MYCBP2: variants seen among roughly 807,000 people sequenced by gnomAD.
The protein encoded by MYCBP2 is E3 ubiquitin-protein ligase MYCBP2.
A neutral mutation model predicts 525.3 loss-of-function variants in MYCBP2; 120 were observed. The ratio of observed to expected loss-of-function variants is 0.23; its 90% CI spans 0.20 to 0.27. The LOEUF is 0.27. Ranked by LOEUF, MYCBP2 falls within the 10% of genes least tolerant of loss-of-function variation. The pLI, the probability that MYCBP2 is intolerant of heterozygous loss-of-function variation, is 1.00. For missense variants in MYCBP2, 4,149 were observed against 5,657.1 expected (o/e 0.73, Z 8.55); for synonymous variants, 1,894 against 1,955.8 (o/e 0.97, Z 0.83).
chr13:77,085,430 T>C (rs1472031167), intron 62 of MYCBP2, among the ~76,000 whole-genome samples: 1 of 152,202 alleles, frequency 6.6e-6, no homozygotes, highest in African/African-American at 2.4e-5. Flanking sequence ...GTTTTGTATA[T>C]TCTATCAAGA....
At chr13:77,129,112 G>A (rs2052261402) in intron 52 of MYCBP2, 1 of 396,842 alleles carries the variant, frequency 2.5e-6, no homozygotes, top group Admixed American at 4.4e-5. Context: ...TATACATGCT[G>A]AAATACCTGA....
intron 1 of MYCBP2, among the ~76,000 whole-genome samples, chr13:77,314,627 G>A (rs1354553774): frequency 6.6e-6 from 1 of 152,168 alleles, no homozygotes; most frequent in African/African-American, 2.4e-5. Context: ...AGGAATAGGT[G>A]GAGCACAGAT....
chr13:77,189,597 C>T (rs1352857192), intron 29 of MYCBP2, among the ~76,000 whole-genome samples: 1 of 152,004 alleles, frequency 6.6e-6, no homozygotes, highest in Admixed American at 6.5e-5. Context: ...TACTGCTTAA[C>T]GAATGACAAC....
intron 14 of MYCBP2, among the ~76,000 whole-genome samples, chr13:77,255,785 G>T (rs1247569936): frequency 6.6e-6 from 1 of 151,926 alleles, no homozygotes; most frequent in Non-Finnish European, 1.5e-5. Flanking sequence ...CTGAGATCCA[G>T]ATGAGTCTGA....
Position 77,074,727 on chromosome 13 carries a change from C to T in MYCBP2, c.11823+2024G>A, listed in dbSNP as rs147225376. On this transcript the variant is annotated intron_variant, in intron 68 of 82. Coordinates refer to ENST00000544440, the MANE Select transcript of MYCBP2 (RefSeq NM_015057.5). ...CTACAACATGGATAAATCTCAAAAG[C>T]ATTACACTAAAGTGAAAGAAACAAG... Among the ~76,000 whole-genome samples the T allele has an allele frequency of 2.6e-5, 4 of 152,260 alleles. No individual in the cohort carries two copies. In the East Asian group the frequency reaches 7.7e-4, roughly 29 times the overall value.
intron 59 of MYCBP2, among the ~76,000 whole-genome samples, chr13:77,091,003 T>C (rs577176038): frequency 6.6e-6 from 1 of 152,300 alleles, no homozygotes; most frequent in East Asian, 1.9e-4. Context: ...ATTTAGAAAC[T>C]ATTCTTTTCG....
At chr13:77,263,608 T>A (rs993571659) in intron 10 of MYCBP2, 43 bp downstream of exon 10, 18 of 1,549,686 alleles carry the variant, frequency 1.2e-5, no homozygotes, top group Non-Finnish European at 1.5e-5. Flanking sequence ...TATGAAAAAT[T>A]GAAAATTAAA....
Position 77,168,419 on chromosome 13 carries a change from G to A in MYCBP2, c.6114+9C>T, listed in dbSNP as rs769016611. The stretch of plus-strand genomic sequence containing the variant: ...TTACATTCGAATCACACTAAGAACC[G>A]GTGCCTACCTTGTAATGCATCACAC... On this transcript the variant is annotated intron_variant, in intron 40 of 82. Coordinates refer to ENST00000544440, the MANE Select transcript of MYCBP2 (RefSeq NM_015057.5). 19 of 1,611,288 alleles carry A rather than the reference G, an allele frequency of 1.2e-5. No homozygotes were observed. Among genetic ancestry groups the A allele is most frequent in the Admixed American group, 5.0e-5 (3 of 59,948 alleles).
chr13:77,142,986 G>A (rs755908780), intron 49 of MYCBP2, among the ~76,000 whole-genome samples: 21 of 152,170 alleles, frequency 1.4e-4, no homozygotes, highest in Non-Finnish European at 2.6e-4. Context: ...AAATTTATCT[G>A]ATCACAGAAA....
At chr13:77,306,552 G>A (rs1156902918) in intron 1 of MYCBP2, among the ~76,000 whole-genome samples, 1 of 152,134 alleles carries the variant, frequency 6.6e-6, no homozygotes, top group Non-Finnish European at 1.5e-5. Flanking sequence ...AGAAAAGAGG[G>A]TAGGGGAATA....
intron 70 of MYCBP2, among the ~76,000 whole-genome samples, chr13:77,068,256 C>T (rs1471138240): frequency 6.6e-6 from 1 of 151,904 alleles, no homozygotes; most frequent in African/African-American, 2.4e-5. Context: ...CCCAAGGCAG[C>T]ACGAAAAAAA....
intron 53 of MYCBP2, among the ~76,000 whole-genome samples, chr13:77,125,849 G>C (rs1280764257): frequency 1.3e-5 from 2 of 152,088 alleles, no homozygotes; most frequent in African/African-American, 4.8e-5. Flanking sequence ...CCCTTACTGA[G>C]AAATAGCATG....
Position 77,169,643 on chromosome 13 carries a change from T to C in MYCBP2, c.5866A>G (p.Ile1956Val), listed in dbSNP as rs1413004528. 3 of 1,613,868 alleles carry C rather than the reference T, an allele frequency of 1.9e-6. No homozygotes were observed. The highest frequency in any genetic ancestry group is 1.3e-5 in the African/African-American group (1 of 74,998). Residue 1956 changes from isoleucine to valine, a missense_variant, in exon 39 of 83, where the codon ATA becomes GTA. Ile to Val is a conservative substitution (Grantham distance 29). Transcript: ENST00000544440. Reference protein sequence around the residue: ...SMLLPLIIAYIGPVAAAIPKV... With the variant: ...SMLLPLIIAYVGPVAAAIPKV... The stretch of plus-strand genomic sequence containing the variant: ...GGAATAGCAGCAGCTACTGGTCCTA[T>C]GTAGGCTATAATAAGGGGGAGCAGC...
At chr13:77,303,734 A>G (rs976083521) in intron 1 of MYCBP2, among the ~76,000 whole-genome samples, 7 of 152,010 alleles carry the variant, frequency 4.6e-5, no homozygotes, top group African/African-American at 1.7e-4. Flanking sequence ...CTTCCACAAA[A>G]TGCATCTCCT....
chr13:77,326,529 C>T lies in MYCBP2; in HGVS notation c.247G>A (p.Ala83Thr), dbSNP rs780569211. The T allele has an allele frequency of 6.3e-7, 1 of 1,598,620 alleles. No homozygotes were observed. The highest frequency in any genetic ancestry group is 8.5e-7 in the Non-Finnish European group (1 of 1,173,042). The part of the protein sequence containing the change: ...LADRYRRIYT[A>T]ALNDRDQGGG... ...CCCTGGTCCCTGTCATTGAGCGCAGCGGTATAAATCCTCCGGTAGCGGTCG... is the reference window on the plus strand; with the variant it reads ...CCCTGGTCCCTGTCATTGAGCGCAGTGGTATAAATCCTCCGGTAGCGGTCG... The change falls in exon 1 of 83, where the codon GCT becomes ACT. Residue 83 changes from alanine to threonine, a missense_variant. By Grantham distance (58) the Ala-to-Thr change is moderately conservative (BLOSUM62 0). Transcript: ENST00000544440. The surrounding 1 kb of genome is among the most constrained non-coding windows in gnomAD (Gnocchi z 4.2).
intron 68 of MYCBP2, among the ~76,000 whole-genome samples, chr13:77,071,914 A>G (rs752541241): frequency 7.9e-5 from 12 of 152,212 alleles, no homozygotes; most frequent in Non-Finnish European, 1.6e-4. Flanking sequence ...CCAGAAATTA[A>G]TAATATAAAG....
intron 61 of MYCBP2, chr13:77,087,892 C>T (rs1332084725): frequency 1.9e-5 from 5 of 266,756 alleles, no homozygotes; most frequent in Non-Finnish European, 3.5e-5. Context: ...ATGATCCTCC[C>T]ACCTCAGCCT....
chr13:77,306,283 T>C (rs2154372638), intron 1 of MYCBP2, among the ~76,000 whole-genome samples: 3 of 152,332 alleles, frequency 2.0e-5, no homozygotes, highest in Middle Eastern at 6.8e-3. Context: ...ATGATACTCC[T>C]ATCATGTTCA....
rs969327384 is a variant in MYCBP2 at position 77,159,289 on chromosome 13, T to C, written c.6598-1180A>G. Among the ~76,000 whole-genome samples the C allele has an allele frequency of 5.3e-5, 8 of 152,264 alleles. No individual in the cohort carries two copies. The East Asian group carries it at 1.5e-3, about 29-fold the overall frequency. On this transcript the variant is annotated intron_variant, in intron 44 of 82. Transcript: ENST00000544440. ...AACTAAATAATGCATATAAAGTATATAATACATTGCCTAACAAATAGTAAG... is the reference window on the plus strand; with the variant it reads ...AACTAAATAATGCATATAAAGTATACAATACATTGCCTAACAAATAGTAAG...
Sources: allele counts gnomAD v4.1 joint callset (sites outside exome capture counted in the v4.1 genomes callset), GRCh38; gene constraint gnomAD v4.1.1; non-coding constraint Gnocchi (gnomAD v3.1); transcripts MANE v1.5; gene names NCBI Gene and HGNC (gene_info 2026-07-23, HGNC 2026-07-21).